The following CSRNP3 variants were observed in gnomAD, a reference collection of about 807,000 sequenced individuals.
The protein encoded by CSRNP3 is cysteine and serine rich nuclear protein 3, also known as cysteine/serine-rich nuclear protein 3.
CSRNP3 carries 12 observed loss-of-function variants against 48.0 expected under a neutral mutation model. That is an observed-to-expected ratio of 0.25 (90% CI 0.16 to 0.41). The LOEUF (loss-of-function observed/expected upper bound fraction) is 0.41. Among genes scored for constraint, CSRNP3 ranks in the 10% least tolerant of loss-of-function variants. CSRNP3 has a pLI of 1.00. For synonymous variants in CSRNP3, 263 were observed against 269.7 expected (o/e 0.98, Z 0.24); for missense variants, 580 against 724.4 (o/e 0.80, Z 2.29).
chr2:165,552,021 C>T (rs1354695292), intron 3 of CSRNP3, among the ~76,000 whole-genome samples: 2 of 152,102 alleles, frequency 1.3e-5, no homozygotes, highest in East Asian at 3.8e-4. Flanking sequence ...AGCTATATTC[C>T]TTGCTTAAGA....
At chr2:165,603,192 G>A (rs181184963) in intron 4 of CSRNP3, among the ~76,000 whole-genome samples, 3 of 152,292 alleles carry the variant, frequency 2.0e-5, no homozygotes, top group African/African-American at 7.2e-5. Context: ...ACCGCGCCCG[G>A]CCTGAATCTC....
chr2:165,590,596 C>G (rs761247440), intron 3 of CSRNP3, among the ~76,000 whole-genome samples: 1 of 152,104 alleles, frequency 6.6e-6, no homozygotes, highest in African/African-American at 2.4e-5. Context: ...ATGGGATGGA[C>G]CCGGTGGGAG....
At chr2:165,511,033 G>A (rs1684494056) in intron 2 of CSRNP3, among the ~76,000 whole-genome samples, 2 of 152,144 alleles carry the variant, frequency 1.3e-5, no homozygotes, top group African/African-American at 4.8e-5. Flanking sequence ...GGATTGTGTG[G>A]TATCCTAGAA....
rs193048784 is a variant in CSRNP3, at chr2:165,653,832, C to T, written c.149-3929C>T. Among the ~76,000 whole-genome samples, 1,185 of 151,498 alleles carry T rather than the reference C, an allele frequency of 7.8e-3. 24 individuals carry two copies. Among genetic ancestry groups the T allele is most frequent in the African/African-American group, 0.027 (1,129 of 41,244 alleles). On this transcript the variant is annotated intron_variant, in intron 4 of 6. Coordinates refer to ENST00000651982, the MANE Select transcript of CSRNP3 (RefSeq NM_001172173.2). ...ACTAAAAATACAAAAATTAGCTGGG[C>T]GTGGTGGCAGATACCTGTAATCCCA...
intron 1 of CSRNP3, among the ~76,000 whole-genome samples, chr2:165,481,217 G>T: frequency 6.6e-6 from 1 of 150,784 alleles, no homozygotes; most frequent in African/African-American, 2.5e-5. Context: ...TAATAGTGGA[G>T]AAACTGCAGG....
chr2:165,507,059 A>G (rs575027472), intron 2 of CSRNP3, among the ~76,000 whole-genome samples: 1 of 152,156 alleles, frequency 6.6e-6, no homozygotes, highest in Non-Finnish European at 1.5e-5. Context: ...ACTGCAATAA[A>G]ATTATTTGTA....
chr2:165,579,607 G>C lies in CSRNP3; in HGVS notation c.-23-15436G>C, dbSNP rs77691890. 2.5e-3 allele frequency among the ~76,000 whole-genome samples: 379 copies of C among 152,254 alleles called. 3 individuals carry two copies. Among genetic ancestry groups the C allele is most frequent in the African/African-American group, 8.7e-3 (360 of 41,554 alleles). ...CATAGAAAGTGTCCAAGAAATGTTTGCTGAGCCAATGTTACTATGGGGCAT... is the reference window on the plus strand; with the variant it reads ...CATAGAAAGTGTCCAAGAAATGTTTCCTGAGCCAATGTTACTATGGGGCAT... On this transcript the variant is annotated intron_variant, in intron 3 of 6. Coordinates refer to ENST00000651982, the MANE Select transcript of CSRNP3 (RefSeq NM_001172173.2).
At chr2:165,574,552 C>G (rs1047673966) in intron 3 of CSRNP3, 5 of 567,274 alleles carry the variant, frequency 8.8e-6, no homozygotes, top group Middle Eastern at 2.7e-4. Context: ...ATTCCCTTAA[C>G]TAGTTTATTT....
Position 165,679,965 on chromosome 2 carries a change from G to T in CSRNP3, c.*212G>T. 1 of 654,994 alleles carries T rather than the reference G, an allele frequency of 1.5e-6. No individual in the cohort carries two copies. The highest frequency in any genetic ancestry group is 2.4e-6 in the Non-Finnish European group (1 of 412,418). The allele number at this position is 654,994 out of a possible 1,614,324, so 40.6% of individuals were successfully genotyped here. ...TAGGGATTTTAAAAGATTTCAGACT[G>T]TTTTGATAGAAAAAGCTAAATTTTA... On this transcript the variant is annotated 3_prime_UTR_variant, in exon 7 of 7. Transcript: ENST00000651982.
At chr2:165,532,830 TCTC>T (rs1335337555) in intron 3 of CSRNP3, among the ~76,000 whole-genome samples, 1 of 151,964 alleles carries the variant, frequency 6.6e-6, no homozygotes, top group African/African-American at 2.4e-5. Flanking sequence ...CAGCCCAAAA[TCTC>T]CTCAAGCTGA....
intron 1 of CSRNP3, among the ~76,000 whole-genome samples, chr2:165,479,344 C>T (rs536159953): frequency 1.2e-4 from 19 of 152,050 alleles, no homozygotes; most frequent in Non-Finnish European, 2.2e-4. Context: ...CATGAAAGTC[C>T]GTGATGATAA....
chr2:165,637,595 G>A (rs1011517398), intron 4 of CSRNP3, among the ~76,000 whole-genome samples: 7 of 152,196 alleles, frequency 4.6e-5, no homozygotes, highest in African/African-American at 1.4e-4. Context: ...GTATGAATAA[G>A]TACCAGTGCT....
At chr2:165,571,133 C>T (rs193136147) in intron 3 of CSRNP3, among the ~76,000 whole-genome samples, 486 of 151,898 alleles carry the variant, frequency 3.2e-3, no homozygotes, top group African/African-American at 0.011. Context: ...TGTATATTCA[C>T]TTTTTAATTA....
At chr2:165,635,666 T>G (rs1686615393) in intron 4 of CSRNP3, among the ~76,000 whole-genome samples, 1 of 152,214 alleles carries the variant, frequency 6.6e-6, no homozygotes, top group Non-Finnish European at 1.5e-5. Flanking sequence ...CTAAAGGCAG[T>G]ATCTTACCTG....
At position 165,555,864 on chromosome 2, in the gene CSRNP3, G is replaced by T. The variant is rs572356982; in HGVS notation, c.-24+37903G>T. Among the ~76,000 whole-genome samples, 281 of 143,460 alleles carry T rather than the reference G, an allele frequency of 2.0e-3. 2 individuals carry two copies. The highest frequency in any genetic ancestry group is 7.8e-3 in the African/African-American group (259 of 33,278). The allele number at this position is 143,460 out of a possible 152,430, so 94.1% of individuals were successfully genotyped here. ...ATTTTATATTCAGCTTCTATTATTG[G>T]GGAATAAAAACAATATAGGATATGA... On this transcript the variant is annotated intron_variant, in intron 3 of 6. Coordinates refer to ENST00000651982, the MANE Select transcript of CSRNP3 (RefSeq NM_001172173.2).
intron 3 of CSRNP3, among the ~76,000 whole-genome samples, chr2:165,543,279 A>G (rs186756036): frequency 2.6e-5 from 4 of 152,238 alleles, no homozygotes; most frequent in Admixed American, 1.3e-4. Flanking sequence ...ATTTTAATCT[A>G]ATTTGTTTAC....
intron 5 of CSRNP3, among the ~76,000 whole-genome samples, chr2:165,668,393 C>T (rs1337986292): frequency 3.2e-5 from 4 of 123,326 alleles, no homozygotes. Context: ...TCCTTTCTTT[C>T]TTTCTTTCTT....
intron 5 of CSRNP3, among the ~76,000 whole-genome samples, chr2:165,660,221 C>T (rs537342339): frequency 6.6e-6 from 1 of 152,192 alleles, no homozygotes; most frequent in Non-Finnish European, 1.5e-5. Context: ...GTAATGGCTG[C>T]CAATTATTAA....
intron 3 of CSRNP3, among the ~76,000 whole-genome samples, chr2:165,575,981 T>G (rs1685444021): frequency 6.6e-6 from 1 of 151,784 alleles, no homozygotes; most frequent in South Asian, 2.1e-4. Flanking sequence ...TTAGCTATTT[T>G]CTTTTTATGT....
Sources: gnomAD v4.1 joint callset for allele counts (sites outside exome capture counted in the v4.1 genomes callset) on GRCh38, gnomAD v4.1.1 for gene constraint, MANE v1.5 for transcripts, NCBI Gene and HGNC (gene_info 2026-07-23, HGNC 2026-07-21) for gene names.